The following TTLL5 variants were observed in gnomAD, a reference collection of about 807,000 sequenced individuals.
The protein encoded by TTLL5 is tubulin tyrosine ligase like 5, also known as tubulin polyglutamylase TTLL5.
Under a neutral mutation model 168.4 loss-of-function variants are expected in TTLL5, and 132 were observed. The ratio of observed to expected loss-of-function variants is 0.78; its 90% CI spans 0.68 to 0.91. TTLL5 has a LOEUF of 0.91. TTLL5 is among the 40% of genes least tolerant of loss of function. The probability of loss-of-function intolerance (pLI) is 0.00; values close to 1 mark genes in which losing one functional copy is unlikely to be tolerated. For synonymous variants in TTLL5, 546 were observed against 558.6 expected, an observed-to-expected ratio of 0.98 and a Z score of 0.32; for missense variants, 1,545 against 1,581.5, an observed-to-expected ratio of 0.98 and a Z score of 0.39.
At chr14:75,841,444 A>T (rs1254379462) in intron 28 of TTLL5, among the ~76,000 whole-genome samples, 1 of 152,192 alleles carries the variant, frequency 6.6e-6, no homozygotes, top group East Asian at 1.9e-4. Flanking sequence ...TTTCATTACC[A>T]TGACTGTGAC....
chr14:75,922,180 C>CA (rs201928437), intron 31 of TTLL5, among the ~76,000 whole-genome samples: 2 of 151,152 alleles, frequency 1.3e-5, no homozygotes, highest in East Asian at 1.9e-4. Context: ...CATCTGCAAA[C>CA]GGACAATTTG....
At chr14:75,745,384 C>A in intron 16 of TTLL5, 106 bp from the exon 17 acceptor site, 1 of 1,275,166 alleles carries the variant, frequency 7.8e-7, no homozygotes, top group Non-Finnish European at 1.1e-6. Flanking sequence ...TTTCTCCCTT[C>A]ATGCTACTTT....
chr14:75,665,998 T>C (rs928397362), intron 2 of TTLL5, among the ~76,000 whole-genome samples: 13 of 152,246 alleles, frequency 8.5e-5, no homozygotes, highest in African/African-American at 2.9e-4. Flanking sequence ...AGGTGTAATT[T>C]TCCCTCTGCT....
At chr14:75,898,519 G>A (rs2032776333) in intron 30 of TTLL5, among the ~76,000 whole-genome samples, 1 of 152,154 alleles carries the variant, frequency 6.6e-6, no homozygotes, top group African/African-American at 2.4e-5. Flanking sequence ...CCACACGCCT[G>A]TAGTCCCAGC....
chr14:75,868,698 G>A (rs547015070), intron 29 of TTLL5, among the ~76,000 whole-genome samples: 4 of 152,226 alleles, frequency 2.6e-5, no homozygotes, highest in East Asian at 3.9e-4. Flanking sequence ...CATATAAACC[G>A]AACCATGTCT....
rs540593175 is a variant in TTLL5 at position 75,935,146 on chromosome 14, G to A, written c.3824-19278G>A. ...GTACACTGAGTTCCCAGTAGCTTTA[G>A]CCTCTAAAATTAGTAGCATTGTCAG... On this transcript the variant is annotated intron_variant, in intron 31 of 31. Transcript: ENST00000298832. 5.9e-5 allele frequency among the ~76,000 whole-genome samples: 9 copies of A among 152,304 alleles called. No individual in the cohort carries two copies. In the East Asian group the frequency reaches 9.7e-4, roughly 16 times the overall value.
intron 29 of TTLL5, among the ~76,000 whole-genome samples, chr14:75,868,216 T>A (rs572366307): frequency 3.9e-5 from 6 of 152,252 alleles, no homozygotes; most frequent in African/African-American, 1.4e-4. Context: ...TCATCCACAG[T>A]GAAAAAGAGC....
chr14:75,744,179 G>C (rs1199509237), intron 15 of TTLL5, among the ~76,000 whole-genome samples: 6 of 152,278 alleles, frequency 3.9e-5, no homozygotes, highest in African/African-American at 1.2e-4. Flanking sequence ...TTACTTCTAA[G>C]AATCAAGAGG....
intron 29 of TTLL5, among the ~76,000 whole-genome samples, chr14:75,881,514 T>C (rs2031810430): frequency 6.6e-6 from 1 of 152,190 alleles, no homozygotes; most frequent in South Asian, 2.1e-4. Flanking sequence ...AACATTTTAC[T>C]AAAATTACCC....
intron 27 of TTLL5, chr14:75,814,559 AG>A (rs1005988517): frequency 6.6e-6 from 1 of 152,170 alleles, no homozygotes; most frequent in Non-Finnish European, 1.5e-5. Flanking sequence ...CCCTGCCCTT[AG>A]GTCTTCTCTA....
At chr14:75,692,242 G>T (rs1417557037) in intron 6 of TTLL5, among the ~76,000 whole-genome samples, 6 of 152,126 alleles carry the variant, frequency 3.9e-5, no homozygotes, top group Non-Finnish European at 7.4e-5. Context: ...GATAGGGGTG[G>T]CTTGATAAAT....
intron 9 of TTLL5, chr14:75,709,546 C>T (rs1375717165): frequency 4.1e-6 from 1 of 244,416 alleles, no homozygotes; most frequent in Non-Finnish European, 8.2e-6. Context: ...TGAAACATCT[C>T]GCAGTTATTA....
chr14:75,860,884 C>T (rs550289240), intron 28 of TTLL5, among the ~76,000 whole-genome samples: 12 of 152,264 alleles, frequency 7.9e-5, no homozygotes, highest in African/African-American at 2.9e-4. Context: ...CCTTTCCTAA[C>T]GATGTCATCC....
chr14:75,692,109 C>T (rs1885508215), intron 6 of TTLL5, among the ~76,000 whole-genome samples: 1 of 152,186 alleles, frequency 6.6e-6, no homozygotes, highest in Non-Finnish European at 1.5e-5. Flanking sequence ...AGCCAAGTTA[C>T]TCCAACTTCT....
At chr14:75,805,129 A>G (rs185198590) in intron 27 of TTLL5, among the ~76,000 whole-genome samples, 4 of 152,240 alleles carry the variant, frequency 2.6e-5, no homozygotes, top group Admixed American at 1.3e-4. Context: ...TCTCTCTCAA[A>G]GGCCACTCAT....
intron 5 of TTLL5, chr14:75,689,585 A>G (rs1885303471): frequency 6.6e-6 from 1 of 152,216 alleles, no homozygotes; most frequent in African/African-American, 2.4e-5. Context: ...AAATTAAACA[A>G]TCCAAATGCC....
chr14:75,909,167 G>A (rs1324711675), intron 31 of TTLL5, among the ~76,000 whole-genome samples: 1 of 151,320 alleles, frequency 6.6e-6, no homozygotes, highest in Non-Finnish European at 1.5e-5. Flanking sequence ...ATTCCTAAAC[G>A]TAGTAACAAC....
rs143721480 is a variant in TTLL5 at position 75,918,071 on chromosome 14, G to T, written c.3823+15847G>T. 2.6e-5 allele frequency among the ~76,000 whole-genome samples: 4 copies of T among 152,282 alleles called. No homozygotes were observed. In the East Asian group the frequency reaches 7.7e-4, roughly 29 times the overall value. On this transcript the variant is annotated intron_variant, in intron 31 of 31. Coordinates refer to ENST00000298832, the MANE Select transcript of TTLL5 (RefSeq NM_015072.5). ...TTTTGCTGGTCATAAGATGGTTTCTGTTCCTACCGGCATTGTGTCCATGTT... is the reference window on the plus strand; with the variant it reads ...TTTTGCTGGTCATAAGATGGTTTCTTTTCCTACCGGCATTGTGTCCATGTT...
At chr14:75,757,795 C>T in intron 18 of TTLL5, 1 of 1,569,422 alleles carries the variant, frequency 6.4e-7, no homozygotes, top group Non-Finnish European at 8.6e-7. Context: ...ACCTGAATAG[C>T]ATTCTCTAAC....
Sources: allele counts gnomAD v4.1 joint callset (sites outside exome capture counted in the v4.1 genomes callset), GRCh38; gene constraint gnomAD v4.1.1; transcripts MANE v1.5; gene names NCBI Gene and HGNC (gene_info 2026-07-23, HGNC 2026-07-21).